Variants in ABCE1 observed in about 807,000 individuals in gnomAD.
The protein encoded by ABCE1 is ATP binding cassette subfamily E member 1.
A neutral mutation model predicts 83.4 loss-of-function variants in ABCE1; 22 were observed. The observed-to-expected ratio is 0.26, with a 90% confidence interval of 0.19 to 0.38. The LOEUF is 0.38. Ranked by LOEUF, ABCE1 falls within the 10% of genes least tolerant of loss-of-function variation. The pLI is 1.00. For synonymous variants in ABCE1, 204 were observed against 233.7 expected, an observed-to-expected ratio of 0.87 and a Z score of 1.16; for missense variants, 330 against 721.9, an observed-to-expected ratio of 0.46 and a Z score of 6.22.
intron 1 of ABCE1, among the ~76,000 whole-genome samples, chr4:145,099,131 G>T (rs1367809903): frequency 6.6e-6 from 1 of 152,142 alleles, no homozygotes; most frequent in African/African-American, 2.4e-5. Flanking sequence ...CAAGGTTGAT[G>T]TCTTTACTCA....
chr4:145,108,195 G>A, intron 4 of ABCE1, 83 bp downstream of exon 4: 2 of 1,235,030 alleles, frequency 1.6e-6, no homozygotes, highest in Non-Finnish European at 2.4e-6. Flanking sequence ...CAGAAATTGG[G>A]GGGAAATGCT....
At chr4:145,109,783 A>T (rs945688947) in intron 5 of ABCE1, among the ~76,000 whole-genome samples, 1 of 152,212 alleles carries the variant, frequency 6.6e-6, no homozygotes, top group South Asian at 2.1e-4. Flanking sequence ...ATCCAGAAAG[A>T]TATCTTGGAT....
chr4:145,121,484 T>A (rs1377825066), intron 13 of ABCE1, 93 bp downstream of exon 13: 2 of 905,816 alleles, frequency 2.2e-6, no homozygotes, highest in Non-Finnish European at 3.4e-6. Context: ...TTTCTCCAAA[T>A]TAGATTCTAT....
At position 145,123,047 on chromosome 4, in the gene ABCE1, AAAGAT is replaced by A; in HGVS notation, c.1295_1299del (p.Ile432ArgfsTer19). 2 of 1,591,754 alleles carry A rather than the reference AAAGAT, an allele frequency of 1.3e-6. No individual in the cohort carries two copies. The highest frequency in any genetic ancestry group is 1.7e-6 in the Non-Finnish European group (2 of 1,172,450). ...GAAGTGTTCGCCAGTTACTACATGA[AAAGAT>A]AAGAGATGCTTATACTCACCCACAA... is the stretch of plus-strand genomic sequence containing the variant. On this transcript the variant is annotated frameshift_variant, in exon 14 of 18. Coordinates refer to ENST00000296577, the MANE Select transcript of ABCE1 (RefSeq NM_002940.3). LOFTEE classifies it high-confidence loss of function.
intron 5 of ABCE1, 72 bp from the exon 6 acceptor site, chr4:145,110,031 C>T (rs1310533350): frequency 2.3e-6 from 3 of 1,319,676 alleles, no homozygotes; most frequent in Non-Finnish European, 2.0e-6. Flanking sequence ...TAATCTATTT[C>T]CTGTAGCATT....
chr4:145,123,758 T>G, intron 16 of ABCE1, 158 bp downstream of exon 16: 2 of 627,340 alleles, frequency 3.2e-6, no homozygotes, highest in Admixed American at 3.0e-5. Context: ...GATGGGACCA[T>G]GTGGAAGAGT....
intron 16 of ABCE1, among the ~76,000 whole-genome samples, chr4:145,124,084 C>T (rs1045339557): frequency 6.6e-6 from 1 of 152,060 alleles, no homozygotes; most frequent in Non-Finnish European, 1.5e-5. Context: ...TCTCATTTTT[C>T]CTTGTTAGCC....
chr4:145,110,846 T>C (rs759130899), intron 7 of ABCE1, 122 bp from the exon 8 acceptor site: 68 of 632,726 alleles, frequency 1.1e-4, no homozygotes, highest in Admixed American at 8.1e-4. Flanking sequence ...TCTCCAGTAA[T>C]TGTTATATTT....
chr4:145,106,889 T>A (rs1749318481), intron 3 of ABCE1, among the ~76,000 whole-genome samples: 1 of 152,108 alleles, frequency 6.6e-6, no homozygotes, highest in Admixed American at 6.5e-5. Flanking sequence ...CAAGAGTAAT[T>A]ATCTGTTTTT....
intron 2 of ABCE1, 74 bp downstream of exon 2, chr4:145,104,589 C>T (rs192275672): frequency 2.0e-4 from 191 of 951,958 alleles, no homozygotes; most frequent in Middle Eastern, 9.7e-4. Flanking sequence ...TAATTCTTTA[C>T]GGACATTAAC....
At chr4:145,109,826 T>C (rs1039865117) in intron 5 of ABCE1, among the ~76,000 whole-genome samples, 1 of 152,206 alleles carries the variant, frequency 6.6e-6, no homozygotes, top group Non-Finnish European at 1.5e-5. Context: ...TTTGAAAATA[T>C]GAGCAGGAAA....
rs1215421606 is a variant in ABCE1, at chr4:145,127,911, A to AT, written c.*344dup. On this transcript the variant is annotated 3_prime_UTR_variant, in exon 18 of 18. Coordinates refer to ENST00000296577, the MANE Select transcript of ABCE1 (RefSeq NM_002940.3). ...ACCAAATGCTGACCAGTGTTGCTCC[A>AT]TTTTTTAAATCTTGAAAAGGGTTTC... The AT allele has an allele frequency of 5.9e-6, 1 of 168,556 alleles. No individual in the cohort carries two copies. The highest frequency in any genetic ancestry group is 1.3e-5 in the Non-Finnish European group (1 of 79,120). The allele number at this position is 168,556 out of a possible 1,614,324, so 10.4% of individuals were successfully genotyped here. A position where few individuals can be genotyped will look rare whatever the true frequency, so the allele number is the denominator to read the frequency against.
chr4:145,121,385 A>G lies in ABCE1; in HGVS notation c.1257A>G (p.Lys419=), dbSNP rs375616467. 9.6e-5 allele frequency: 155 copies of G among 1,610,484 alleles called. 1 individual carries two copies. The highest frequency in any genetic ancestry group is 1.3e-4 in the Non-Finnish European group (152 of 1,177,858). The change falls in exon 13 of 18, where the codon AAA becomes AAG. Residue 419 remains lysine, a synonymous_variant. Coordinates refer to ENST00000296577, the MANE Select transcript of ABCE1 (RefSeq NM_002940.3). Reference sequence around the variant, plus strand: ...ATAAGCCACAGAAAATTAGTCCCAAATCAACTGTGAGTTATTATTTTTTAT... The same window carrying G: ...ATAAGCCACAGAAAATTAGTCCCAAGTCAACTGTGAGTTATTATTTTTTAT... ...VSYKPQKISP[K]STGSVRQLLH... is the part of the protein sequence containing the mutation.
At chr4:145,104,766 A>G (rs1396070892) in intron 2 of ABCE1, among the ~76,000 whole-genome samples, 3 of 151,902 alleles carry the variant, frequency 2.0e-5, no homozygotes, top group African/African-American at 7.2e-5. Context: ...TGTGAACTCA[A>G]AGCAGAGTTC....
At chr4:145,119,021 A>T (rs1749674996) in intron 10 of ABCE1, among the ~76,000 whole-genome samples, 1 of 151,806 alleles carries the variant, frequency 6.6e-6, no homozygotes, top group Non-Finnish European at 1.5e-5. Context: ...TAATTTTTTA[A>T]CTTCACATTT....
Position 145,110,372 on chromosome 4 carries a change from C to G in ABCE1, c.544-3C>G. 1 of 1,612,072 alleles carries G rather than the reference C, an allele frequency of 6.2e-7. No homozygotes were observed. Among genetic ancestry groups the G allele is most frequent in the Non-Finnish European group, 8.5e-7 (1 of 1,179,634 alleles). ...AGTAACTGTTTTTGGTATATTGTGG[C>G]AGGGGACAGTGGGATCTATTTTGGA... On this transcript the variant is annotated splice_polypyrimidine_tract_variant and splice_region_variant and intron_variant, in intron 6 of 17. Coordinates refer to ENST00000296577, the MANE Select transcript of ABCE1 (RefSeq NM_002940.3).
intron 1 of ABCE1, among the ~76,000 whole-genome samples, chr4:145,099,955 C>G (rs1314505677): frequency 6.6e-6 from 1 of 152,148 alleles, no homozygotes; most frequent in Non-Finnish European, 1.5e-5. Context: ...TTTGCAGGAG[C>G]CTGTTAACTA....
chr4:145,127,554 A>G lies in ABCE1; in HGVS notation c.1781A>G (p.Tyr594Cys). 1.3e-6 allele frequency: 2 copies of G among 1,576,686 alleles called. No homozygotes were observed. Among genetic ancestry groups the G allele is most frequent in the Non-Finnish European group, 1.7e-6 (2 of 1,168,346 alleles). Residue 594 changes from tyrosine to cysteine, a missense_variant, in exon 18 of 18, where the codon TAC (tyrosine) becomes TGC (cysteine). Transcript: ENST00000296577. ...GTAGAACAAAAGAAGAGTGGAAACTACTTTTTCTTGGATGATTAGACTGAC... is the reference window on the plus strand; with the variant it reads ...GTAGAACAAAAGAAGAGTGGAAACTGCTTTTTCTTGGATGATTAGACTGAC... The part of the protein sequence containing the change: ...KDVEQKKSGN[Y>C]FFLDD
intron 4 of ABCE1, 116 bp downstream of exon 4, chr4:145,108,228 A>G: frequency 1.2e-6 from 1 of 838,514 alleles, no homozygotes; most frequent in Non-Finnish European, 1.9e-6. Context: ...CTAAAGGAAA[A>G]TACAATATTA....
Sources: allele counts gnomAD v4.1 joint callset (sites outside exome capture counted in the v4.1 genomes callset), GRCh38; gene constraint gnomAD v4.1.1; transcripts MANE v1.5; gene names NCBI Gene and HGNC (gene_info 2026-07-23, HGNC 2026-07-21).